The following SCAPER variants were observed in gnomAD, a reference collection of about 807,000 sequenced individuals.
The protein encoded by SCAPER is S-phase cyclin A associated protein in the ER.
SCAPER carries 98 observed loss-of-function variants against 182.2 expected under a neutral mutation model. The observed-to-expected ratio is 0.54, with a 90% CI of 0.46 to 0.64. The LOEUF (loss-of-function observed/expected upper bound fraction) is 0.64. SCAPER is among the 30% of genes least tolerant of loss of function. The probability of loss-of-function intolerance (pLI) is 0.00; values close to 1 mark genes in which losing one functional copy is unlikely to be tolerated. For missense variants in SCAPER, 1,432 were observed against 1,690.0 expected, an observed-to-expected ratio of 0.85 and a Z score of 2.68; for synonymous variants, 605 against 564.6, an observed-to-expected ratio of 1.07 and a Z score of -1.01.
At chr15:76,762,474 CTTTAA>C (rs2062852858) in intron 14 of SCAPER, among the ~76,000 whole-genome samples, 2 of 150,158 alleles carry the variant, frequency 1.3e-5, no homozygotes, top group Admixed American at 6.7e-5. Context: ...TTGATGTCTA[CTTTAA>C]TTTAATTTGA....
chr15:76,408,849 A>G (rs1277993469), intron 26 of SCAPER, among the ~76,000 whole-genome samples: 1 of 152,116 alleles, frequency 6.6e-6, no homozygotes, highest in East Asian at 1.9e-4. Flanking sequence ...CTTCAAAACC[A>G]TGTAGTCTCA....
In SCAPER at chr15:76,357,150, TCACACA is replaced by T. The variant is rs55912416; in HGVS notation, c.3856-3016_3856-3011del. 6.0e-3 allele frequency among the ~76,000 whole-genome samples: 773 copies of T among 128,948 alleles called. 10 individuals carry two copies. Among genetic ancestry groups the T allele is most frequent in the African/African-American group, 0.02 (704 of 35,044 alleles). The allele number at this position is 128,948 out of a possible 152,430, so 84.6% of individuals were successfully genotyped here. A position where few individuals can be genotyped will look rare whatever the true frequency, so the allele number is the denominator to read the frequency against. The stretch of plus-strand genomic sequence containing the variant: ...AAAAGAAGTAACCTTTTTATTGACA[TCACACA>T]CACACACACACACACACACACACAC... On this transcript the variant is annotated intron_variant, in intron 29 of 31. Coordinates refer to ENST00000563290, the MANE Select transcript of SCAPER (RefSeq NM_020843.4).
chr15:76,607,564 G>A (rs544941489), intron 22 of SCAPER, among the ~76,000 whole-genome samples: 46 of 152,272 alleles, frequency 3.0e-4, no homozygotes, highest in African/African-American at 1.0e-3. Context: ...ATGGTGGCCT[G>A]CCTTGCTAGA....
chr15:76,630,599 T>C (rs111986498), intron 21 of SCAPER, among the ~76,000 whole-genome samples: 12,511 of 152,230 alleles, frequency 0.082, 660 homozygotes, highest in East Asian at 0.12. Flanking sequence ...TTCCATGTAG[T>C]TGTGTGGTTT....
At chr15:76,813,139 A>G (rs1461264082) in intron 5 of SCAPER, among the ~76,000 whole-genome samples, 1 of 151,540 alleles carries the variant, frequency 6.6e-6, no homozygotes, top group Non-Finnish European at 1.5e-5. Context: ...GATACAACAC[A>G]TTAGCACAAT....
chr15:76,514,888 G>A (rs868365605), intron 23 of SCAPER, among the ~76,000 whole-genome samples: 1 of 152,164 alleles, frequency 6.6e-6, no homozygotes, highest in African/African-American at 2.4e-5. Context: ...AGCACAATGA[G>A]ATGATGCTCC....
In SCAPER at chr15:76,618,284, A is replaced by T. The variant is rs539280679; in HGVS notation, c.2711+3480T>A. Among the ~76,000 whole-genome samples, 9 of 152,156 alleles carry T rather than the reference A, an allele frequency of 5.9e-5. No homozygotes were observed. The South Asian group carries it at 1.9e-3, about 32-fold the overall frequency. ...CAAAAAACAAAAACAAAAACAAAAG[A>T]ACACTCTTCCAACAATTTGTATTTT... On this transcript the variant is annotated intron_variant, in intron 22 of 31. Coordinates refer to ENST00000563290, the MANE Select transcript of SCAPER (RefSeq NM_020843.4).
At chr15:76,746,181 T>C (rs552993599) in intron 15 of SCAPER, among the ~76,000 whole-genome samples, 1 of 152,254 alleles carries the variant, frequency 6.6e-6, no homozygotes, top group African/African-American at 2.4e-5. Context: ...AAACGATGAA[T>C]AAAAATGAAC....
chr15:76,370,221 T>C (rs1469101296), intron 29 of SCAPER, among the ~76,000 whole-genome samples: 6 of 151,822 alleles, frequency 4.0e-5, no homozygotes, highest in African/African-American at 1.2e-4. Flanking sequence ...GGAGGTCATC[T>C]AGTATAATCC....
chr15:76,651,372 A>C (rs1255792688), intron 21 of SCAPER, among the ~76,000 whole-genome samples: 2 of 152,148 alleles, frequency 1.3e-5, no homozygotes, highest in Non-Finnish European at 2.9e-5. Context: ...CAAGCACACA[A>C]TCTTCCTAAC....
chr15:76,495,653 A>G (rs1281351606), intron 24 of SCAPER, among the ~76,000 whole-genome samples: 1 of 150,666 alleles, frequency 6.6e-6, no homozygotes, highest in Non-Finnish European at 1.5e-5. Context: ...GTACTTGACT[A>G]TGTCATTCTT....
Position 76,767,098 on chromosome 15 carries a change from TA to T in SCAPER, c.1249-11del, listed in dbSNP as rs758601164. 5.4e-5 allele frequency: 84 copies of T among 1,552,300 alleles called. No individual in the cohort carries two copies. Among genetic ancestry groups the T allele is most frequent in the Admixed American group, 2.8e-4 (13 of 47,174 alleles). On this transcript the variant is annotated splice_polypyrimidine_tract_variant and intron_variant, in intron 10 of 31. Coordinates refer to ENST00000563290, the MANE Select transcript of SCAPER (RefSeq NM_020843.4). ...GGACTTCTGCCATGGACTATAAAGT[TA>T]AAAACACATAAACAAAAAGAAAAAT...
intron 23 of SCAPER, among the ~76,000 whole-genome samples, chr15:76,538,748 A>C (rs2044445477): frequency 6.6e-6 from 1 of 152,148 alleles, no homozygotes; most frequent in Non-Finnish European, 1.5e-5. Context: ...AAAATAGTAA[A>C]ATGCTTTATC....
At chr15:76,535,179 A>T (rs2044024359) in intron 23 of SCAPER, among the ~76,000 whole-genome samples, 1 of 152,092 alleles carries the variant, frequency 6.6e-6, no homozygotes, top group African/African-American at 2.4e-5. Flanking sequence ...CATGCCCATG[A>T]CACAATTTCA....
rs372119304 is a variant in SCAPER, at chr15:76,702,926, C to T, written c.2324G>A (p.Arg775Gln). 2.5e-6 allele frequency: 4 copies of T among 1,610,816 alleles called. No homozygotes were observed. The highest frequency in any genetic ancestry group is 1.3e-5 in the African/African-American group (1 of 74,716). ...GGGGGCATAATCAGTATTTGCATGTCGCCCACTGCTTAGCTCAGCAGCTTT... is the reference window on the plus strand; with the variant it reads ...GGGGGCATAATCAGTATTTGCATGTTGCCCACTGCTTAGCTCAGCAGCTTT... Reference protein sequence around the residue: ...KEKAAELSSGRHANTDYAPKL... With the variant: ...KEKAAELSSGQHANTDYAPKL... Residue 775 changes from arginine (R) to glutamine (Q), a missense_variant, in exon 19 of 32, where the codon CGA (arginine) becomes CAA (glutamine). Coordinates refer to ENST00000563290, the MANE Select transcript of SCAPER (RefSeq NM_020843.4).
intron 22 of SCAPER, among the ~76,000 whole-genome samples, chr15:76,605,530 G>T (rs890515283): frequency 2.6e-5 from 4 of 152,156 alleles, no homozygotes; most frequent in Non-Finnish European, 5.9e-5. Flanking sequence ...GGTTGATACT[G>T]GCCTCATAAA....
intron 23 of SCAPER, among the ~76,000 whole-genome samples, chr15:76,537,835 T>C (rs1404746571): frequency 6.6e-6 from 1 of 152,146 alleles, no homozygotes; most frequent in Non-Finnish European, 1.5e-5. Flanking sequence ...AAAGGGCTAA[T>C]ATCCAGAATC....
At chr15:76,501,917 C>T (rs1047736376) in intron 24 of SCAPER, among the ~76,000 whole-genome samples, 3 of 152,202 alleles carry the variant, frequency 2.0e-5, no homozygotes, top group Admixed American at 2.0e-4. Context: ...CACCAGTATG[C>T]TCTTATTCTA....
At chr15:76,506,607 A>AACC (rs1385437370) in intron 23 of SCAPER, among the ~76,000 whole-genome samples, 2 of 152,124 alleles carry the variant, frequency 1.3e-5, no homozygotes, top group African/African-American at 2.4e-5. Flanking sequence ...AGAAAGTGGG[A>AACC]AGAGAAGAAG....
Sources: gnomAD v4.1 joint callset for allele counts (sites outside exome capture counted in the v4.1 genomes callset) on GRCh38, gnomAD v4.1.1 for gene constraint, MANE v1.5 for transcripts, NCBI Gene and HGNC (gene_info 2026-07-23, HGNC 2026-07-21) for gene names.